ADGRV1: variants seen among roughly 807,000 people sequenced by gnomAD.
ADGRV1 encodes adhesion G protein-coupled receptor V1.
Under a neutral mutation model 596.2 loss-of-function variants are expected in ADGRV1, and 359 were observed. The ratio of observed to expected loss-of-function variants is 0.60; its 90% confidence interval spans 0.55 to 0.66. The LOEUF (loss-of-function observed/expected upper bound fraction) is 0.66. Ranked by LOEUF, ADGRV1 falls within the 30% of genes least tolerant of loss-of-function variation. ADGRV1 has a pLI of 0.00. For missense variants in ADGRV1, 7,274 were observed against 7,575.6 expected, an observed-to-expected ratio of 0.96 and a Z score of 1.48; for synonymous variants, 2,681 against 2,679.2, an observed-to-expected ratio of 1.00 and a Z score of -0.02.
Position 90,783,876 on chromosome 5 carries a change from CT to C in ADGRV1, c.13473del (p.Thr4492LeufsTer10), listed in dbSNP as rs1488049944. ...CCCATTGAAATTCTACTCACTGGAG[CT>C]ACTGGAGGAGCGGTCCTTGGGCGCC... ...EEPIEILLTG[A>X]TGGAVLGRHL... On this transcript the variant is annotated frameshift_variant, in exon 67 of 90. Coordinates refer to ENST00000405460, the MANE Select transcript of ADGRV1 (RefSeq NM_032119.4). LOFTEE classifies it high-confidence loss of function. The C allele has an allele frequency of 1.2e-6, 2 of 1,610,988 alleles. No homozygotes were observed.
chr5:90,585,443 T>C (rs1758628718), intron 1 of ADGRV1, among the ~76,000 whole-genome samples: 1 of 152,148 alleles, frequency 6.6e-6, no homozygotes, highest in African/African-American at 2.4e-5. Context: ...CCTGATCTAT[T>C]ACTGAGGGAA....
At chr5:91,085,306 A>G (rs1415897819) in intron 86 of ADGRV1, among the ~76,000 whole-genome samples, 2 of 152,204 alleles carry the variant, frequency 1.3e-5, no homozygotes, top group Non-Finnish European at 2.9e-5. Context: ...ACTCTATGCC[A>G]CACAGTTCTC....
intron 83 of ADGRV1, among the ~76,000 whole-genome samples, chr5:90,922,939 T>C (rs959529244): frequency 1.5e-4 from 23 of 152,230 alleles, no homozygotes; most frequent in African/African-American, 5.5e-4. Context: ...CTCAAAACCT[T>C]CCACAGAGTA....
intron 5 of ADGRV1, 110 bp downstream of exon 5, chr5:90,622,811 GCTCAAT>G (rs1764261880): frequency 5.5e-6 from 2 of 362,070 alleles, no homozygotes; most frequent in Non-Finnish European, 1.0e-5. Context: ...TGCGATCTCA[GCTCAAT>G]GCAACCTCTG....
chr5:90,720,224 G>C lies in ADGRV1; in HGVS notation c.9623+1G>C, dbSNP rs749982150. The C allele has an allele frequency of 6.5e-7, 1 of 1,532,114 alleles. No individual in the cohort carries two copies. The highest frequency in any genetic ancestry group is 8.8e-7 in the Non-Finnish European group (1 of 1,136,732). 94.9% of individuals were successfully genotyped at this position (1,532,114 alleles called of 1,614,324 possible). ...TCAGTATCTCTGCAGTTGAAAATAG[G>C]TATAGTTTATTCATAAGGAAATTAT... On this transcript the variant is annotated splice_donor_variant, in intron 44 of 89. Coordinates refer to ENST00000405460, the MANE Select transcript of ADGRV1 (RefSeq NM_032119.4). LOFTEE classifies it high-confidence loss of function.
intron 85 of ADGRV1, among the ~76,000 whole-genome samples, chr5:90,992,601 G>A (rs991221855): frequency 3.9e-5 from 6 of 152,274 alleles, no homozygotes; most frequent in Admixed American, 6.5e-5. Flanking sequence ...GAACTCTTCC[G>A]TGAGAAAGAA....
At chr5:90,635,387 TA>T in intron 10 of ADGRV1, 97 bp downstream of exon 10, 1 of 1,111,272 alleles carries the variant, frequency 9.0e-7, no homozygotes, top group East Asian at 2.4e-5. Flanking sequence ...GTTAACATCT[TA>T]AAAAGCTTCA....
chr5:90,957,033 T>C (rs898074787), intron 83 of ADGRV1, among the ~76,000 whole-genome samples: 1 of 151,978 alleles, frequency 6.6e-6, no homozygotes, highest in Non-Finnish European at 1.5e-5. Flanking sequence ...GTAAACATGC[T>C]ATGTGGGCAC....
At chr5:90,992,565 GACAA>G (rs776842231) in intron 85 of ADGRV1, among the ~76,000 whole-genome samples, 2 of 152,168 alleles carry the variant, frequency 1.3e-5, no homozygotes, top group South Asian at 2.1e-4. Flanking sequence ...CAGCATTGCT[GACAA>G]ACATTCTTTC....
chr5:90,973,893 GA>G (rs1309605919), intron 84 of ADGRV1, among the ~76,000 whole-genome samples: 2 of 152,186 alleles, frequency 1.3e-5, no homozygotes. Flanking sequence ...ATTCAATTAG[GA>G]AAAGAGGAAG....
At chr5:90,569,372 TATATATATATATA>T (rs1756114732) in intron 1 of ADGRV1, among the ~76,000 whole-genome samples, 6 of 26,426 alleles carry the variant, frequency 2.3e-4, no homozygotes, top group African/African-American at 1.1e-3. Context: ...TATATATATA[TATATATATATATA>T]TATTTTTTTT....
chr5:90,677,225 G>A (rs183023975), intron 25 of ADGRV1, among the ~76,000 whole-genome samples: 2 of 152,192 alleles, frequency 1.3e-5, no homozygotes, highest in East Asian at 1.9e-4. Flanking sequence ...ACTGAGATAC[G>A]AAAATTGTCT....
intron 67 of ADGRV1, among the ~76,000 whole-genome samples, chr5:90,785,899 G>A (rs1322675194): frequency 6.6e-6 from 1 of 152,116 alleles, no homozygotes; most frequent in Non-Finnish European, 1.5e-5. Flanking sequence ...TCCCATTACT[G>A]GGTATATACC....
intron 85 of ADGRV1, among the ~76,000 whole-genome samples, chr5:91,051,291 T>C (rs1471932598): frequency 6.6e-6 from 1 of 152,210 alleles, no homozygotes; most frequent in African/African-American, 2.4e-5. Flanking sequence ...AACTTTAGAA[T>C]GATACAAAAG....
Position 90,585,404 on chromosome 5 carries a change from A to T in ADGRV1, c.22+26487A>T, listed in dbSNP as rs531329194. ...TCAACAAAACCCCTTGGAGAGTATGATTTTTTGCTTCAAGACAATGACAAA... is the reference window on the plus strand; with the variant it reads ...TCAACAAAACCCCTTGGAGAGTATGTTTTTTTGCTTCAAGACAATGACAAA... On this transcript the variant is annotated intron_variant, in intron 1 of 89. Transcript: ENST00000405460. 1.3e-3 allele frequency among the ~76,000 whole-genome samples: 200 copies of T among 152,280 alleles called. 1 individual carries two copies. The highest frequency in any genetic ancestry group is 4.6e-3 in the African/African-American group (191 of 41,554).
intron 85 of ADGRV1, among the ~76,000 whole-genome samples, chr5:91,066,007 AAGAG>A (rs1562169021): frequency 1.3e-5 from 2 of 152,322 alleles, no homozygotes; most frequent in South Asian, 4.1e-4. Context: ...TCAACACCCG[AAGAG>A]AGAGAGATTC....
rs143501162 is a variant in ADGRV1 at position 90,772,615 on chromosome 5, G to A, written c.12286-1571G>A. 1.8e-3 allele frequency among the ~76,000 whole-genome samples: 270 copies of A among 152,266 alleles called. 1 individual carries two copies. The highest frequency in any genetic ancestry group is 6.1e-3 in the African/African-American group (252 of 41,560). ...AGTTTTTGCCAATATGTACATGTCT[G>A]CAAATTACCACAAAAGTGCTCAATA... is the stretch of plus-strand genomic sequence containing the variant. On this transcript the variant is annotated intron_variant, in intron 59 of 89. Coordinates refer to ENST00000405460, the MANE Select transcript of ADGRV1 (RefSeq NM_032119.4).
At chr5:90,691,628 A>C (rs1421094509) in intron 31 of ADGRV1, among the ~76,000 whole-genome samples, 2 of 151,920 alleles carry the variant, frequency 1.3e-5, no homozygotes, top group Non-Finnish European at 2.9e-5. Flanking sequence ...CAGGTGATCC[A>C]CCTGCCTCAG....
chr5:90,780,794 G>A (rs1758756370), intron 64 of ADGRV1, among the ~76,000 whole-genome samples: 1 of 151,962 alleles, frequency 6.6e-6, no homozygotes. Flanking sequence ...TTGAATGCCT[G>A]GACTAAAGGG....
Sources: allele counts gnomAD v4.1 joint callset (sites outside exome capture counted in the v4.1 genomes callset), GRCh38; gene constraint gnomAD v4.1.1; transcripts MANE v1.5; gene names NCBI Gene and HGNC (gene_info 2026-07-23, HGNC 2026-07-21).